Variants in JAK3 observed in about 807,000 individuals in gnomAD.
JAK3 encodes tyrosine-protein kinase JAK3.
In JAK3, 88 loss-of-function variants were observed where a neutral mutation model predicts 120.8. That is an observed-to-expected ratio of 0.73 (90% confidence interval 0.61 to 0.87). JAK3 has a LOEUF of 0.87. Among genes scored for constraint, JAK3 ranks in the 40% least tolerant of loss-of-function variants. The pLI is 0.00. For missense variants in JAK3, 1,254 were observed against 1,501.4 expected (o/e 0.84, Z 2.72); for synonymous variants, 592 against 628.6 (o/e 0.94, Z 0.87).
At chr19:17,836,751 G>A (rs1302106396) in intron 13 of JAK3, 4 of 443,760 alleles carry the variant, frequency 9.0e-6, no homozygotes, top group Non-Finnish European at 1.3e-5. Flanking sequence ...ACAGTGCTCC[G>A]TGCTGCCCTC....
At position 17,826,699 on chromosome 19, in the gene JAK3, C is replaced by T; in HGVS notation, c.*44G>A. The T allele has an allele frequency of 3.7e-6, 6 of 1,610,272 alleles. No homozygotes were observed. The Admixed American group carries it at 5.0e-5, about 13-fold the overall frequency. On this transcript the variant is annotated 3_prime_UTR_variant, in exon 24 of 24. Coordinates refer to ENST00000458235, the MANE Select transcript of JAK3 (RefSeq NM_000215.4). ...GGGCAGCTCCGGGCCTAAGGTCACA[C>T]AGCCAGTCAACAGAGACCTAATCCA...
Position 17,826,760 on chromosome 19 carries a change from A to C in JAK3, c.3358T>G (p.Ser1120Ala). ...GGCAGGAGCTATGAAAAGGACAGGGAGTGGTGTTTGCCCTCTGGGTGAGCA... is the reference window on the plus strand; with the variant it reads ...GGCAGGAGCTATGAAAAGGACAGGGCGTGGTGTTTGCCCTCTGGGTGAGCA... ...FTAHPEGKHH[S>A]LSFS The change falls in exon 24 of 24, where the codon TCC becomes GCC. Residue 1120 changes from serine to alanine, a missense_variant. Ser to Ala is a moderately conservative substitution (Grantham distance 99). Transcript: ENST00000458235. 6.2e-7 allele frequency: 1 copy of C among 1,613,986 alleles called. No homozygotes were observed. Among genetic ancestry groups the C allele is most frequent in the Non-Finnish European group, 8.5e-7 (1 of 1,179,960 alleles).
intron 1 of JAK3, among the ~76,000 whole-genome samples, chr19:17,845,325 G>A (rs563111662): frequency 6.6e-6 from 1 of 152,154 alleles, no homozygotes; most frequent in South Asian, 2.1e-4. Context: ...GCACCACCAC[G>A]CCCAGCTAAT....
rs149982493 is a variant in JAK3, at chr19:17,834,630, G to A, written c.2291C>T (p.Pro764Leu). The A allele has an allele frequency of 1.4e-5, 23 of 1,597,334 alleles. No homozygotes were observed. The African/African-American group carries it at 2.3e-4, about 16-fold the overall frequency. Residue 764 changes from proline (P) to leucine (L), a missense_variant, in exon 17 of 24, where the codon CCG (proline) becomes CTG (leucine). This residue lies in a region of JAK3 where 630 missense variants were observed against 819.8 expected (regional missense o/e 0.77). Transcript: ENST00000458235. ...LLIQQCMAYE[P>L]VQRPSFRAVI... The stretch of plus-strand genomic sequence containing the variant: ...GGCTCGGAAGGAGGGCCTCTGGACC[G>A]GCTCATAGGCCATGCACTGTTGAAT...
intron 17 of JAK3, among the ~76,000 whole-genome samples, chr19:17,833,436 G>GGTTGT (rs1308127132): frequency 2.6e-5 from 4 of 151,846 alleles, no homozygotes; most frequent in Non-Finnish European, 2.9e-5. Flanking sequence ...CACTGGGCAT[G>GGTTGT]GTTGTGTGTG....
At chr19:17,847,648 C>G (rs1443875830) in intron 1 of JAK3, among the ~76,000 whole-genome samples, 2 of 152,264 alleles carry the variant, frequency 1.3e-5, no homozygotes, top group East Asian at 3.9e-4. Context: ...CCCCCAATCC[C>G]TCCTTCCCAA....
At position 17,825,256 on chromosome 19, in the gene JAK3, C is replaced by T. The variant is rs942131845; in HGVS notation, c.*1487G>A. On this transcript the variant is annotated 3_prime_UTR_variant, in exon 24 of 24. Transcript: ENST00000458235. The stretch of plus-strand genomic sequence containing the variant: ...AGGCTCCAATACTTGGGCTCTTAAC[C>T]TCCTTACTCTGAGCCTTCTCACGCT... 1 of 229,436 alleles carries T rather than the reference C, an allele frequency of 4.4e-6. No homozygotes were observed. The highest frequency in any genetic ancestry group is 8.6e-6 in the Non-Finnish European group (1 of 115,788). 14.2% of individuals were successfully genotyped at this position (229,436 alleles called of 1,614,324 possible).
rs971520912 is a variant in JAK3 at position 17,842,740 on chromosome 19, C to A, written c.567-130G>T. ...AGTTGGGGCACCAGGCACACACAGA[C>A]TCTCATTCAGGGTCAGGTATGAGGA... On this transcript the variant is annotated intron_variant, in intron 5 of 23. Transcript: ENST00000458235. The surrounding 1 kb of genome is among the most constrained non-coding windows in gnomAD (Gnocchi z 6.4). 9.7e-6 allele frequency: 10 copies of A among 1,028,938 alleles called. No individual in the cohort carries two copies. The Admixed American group carries it at 2.4e-4, about 25-fold the overall frequency. The allele number at this position is 1,028,938 out of a possible 1,614,324, so 63.7% of individuals were successfully genotyped here. A position where few individuals can be genotyped will look rare whatever the true frequency, so the allele number is the denominator to read the frequency against.
At position 17,843,331 on chromosome 19, in the gene JAK3, G is replaced by T. The variant is rs1209523767; in HGVS notation, c.420+49C>A. 11 of 1,519,848 alleles carry T rather than the reference G, an allele frequency of 7.2e-6. No homozygotes were observed. The highest frequency in any genetic ancestry group is 8.9e-6 in the Non-Finnish European group (10 of 1,118,050). The allele number at this position is 1,519,848 out of a possible 1,614,324, so 94.1% of individuals were successfully genotyped here. ...CTGATTGCATGCCAGTCCTCATGTT[G>T]CCCCTTGGACCCCCAACCCCCTGGG... On this transcript the variant is annotated intron_variant, in intron 4 of 23. Coordinates refer to ENST00000458235, the MANE Select transcript of JAK3 (RefSeq NM_000215.4). This position sits in a 1 kb window ranked among gnomAD's most constrained non-coding sequence, Gnocchi z 5.4.
intron 1 of JAK3, among the ~76,000 whole-genome samples, chr19:17,847,338 AAAC>A (rs1755384981): frequency 6.6e-6 from 1 of 152,184 alleles, no homozygotes; most frequent in South Asian, 2.1e-4. Flanking sequence ...CCCATCTCCA[AAAC>A]AACAAAAAAA....
Position 17,841,054 on chromosome 19 carries a change from C to A in JAK3, c.1142+335G>T, listed in dbSNP as rs1399771006. ...CTTGTCTCCAACTCCTGAGTTCAAA[C>A]AATCCTCCTGCCTTGGCCCCTCAAA... On this transcript the variant is annotated intron_variant, in intron 8 of 23. Transcript: ENST00000458235. This position sits in a 1 kb window ranked among gnomAD's most constrained non-coding sequence, Gnocchi z 4.1. 6.6e-6 allele frequency among the ~76,000 whole-genome samples: 1 copy of A among 152,002 alleles called. No homozygotes were observed. The highest frequency in any genetic ancestry group is 1.5e-5 in the Non-Finnish European group (1 of 68,012).
Position 17,832,568 on chromosome 19 carries a change from T to G in JAK3, c.2631A>C (p.Ala877=). 5 of 1,614,212 alleles carry G rather than the reference T, an allele frequency of 3.1e-6. No homozygotes were observed. Among genetic ancestry groups the G allele is most frequent in the Non-Finnish European group, 4.2e-6 (5 of 1,180,046 alleles). ...ACTTGACAATGAAATCACTGTGCAG[T>G]GCTTTGAGGATCTGAATCTCCCGCT... ...DFQREIQILK[A]LHSDFIVKYR... Residue 877 remains alanine, a synonymous_variant, in exon 19 of 24, where the codon GCA becomes GCC. Coordinates refer to ENST00000458235, the MANE Select transcript of JAK3 (RefSeq NM_000215.4). The surrounding 1 kb of genome is among the most constrained non-coding windows in gnomAD (Gnocchi z 4.7).
Position 17,839,141 on chromosome 19 carries a change from G to A in JAK3, c.1441+336C>T, listed in dbSNP as rs559439340. ...GTGGCACTGTGGACAACCAGGGATC[G>A]GTTCTACCAGGGATTCTGGGAGACT... On this transcript the variant is annotated intron_variant, in intron 10 of 23. Coordinates refer to ENST00000458235, the MANE Select transcript of JAK3 (RefSeq NM_000215.4). 434 of 436,174 alleles carry A rather than the reference G, an allele frequency of 1.0e-3. 2 individuals carry two copies. The highest frequency in any genetic ancestry group is 1.4e-3 in the Non-Finnish European group (322 of 225,362). 27.0% of individuals were successfully genotyped at this position (436,174 alleles called of 1,614,324 possible).
rs201645217 is a variant in JAK3 at position 17,831,647 on chromosome 19, C to T, written c.2805+27G>A. 2.6e-5 allele frequency: 42 copies of T among 1,597,308 alleles called. No homozygotes were observed. The South Asian group carries it at 4.4e-4, about 17-fold the overall frequency. On this transcript the variant is annotated intron_variant, in intron 20 of 23. Coordinates refer to ENST00000458235, the MANE Select transcript of JAK3 (RefSeq NM_000215.4). The surrounding 1 kb of genome is among the most constrained non-coding windows in gnomAD (Gnocchi z 5.1). ...GCCCAGGCCGTGCCAGCTGAATCCCCACAAGTCCCGGGGCGCCCCCTCGCA... is the reference window on the plus strand; with the variant it reads ...GCCCAGGCCGTGCCAGCTGAATCCCTACAAGTCCCGGGGCGCCCCCTCGCA...
rs921305606 is a variant in JAK3, at chr19:17,840,136, T to C, written c.1254+94A>G. Reference sequence around the variant, plus strand: ...GGGGGTGTCTTTTCCCTCCTATTCTTCAGGAACCAAATGCTGACTGATCTT... The same window carrying C: ...GGGGGTGTCTTTTCCCTCCTATTCTCCAGGAACCAAATGCTGACTGATCTT... On this transcript the variant is annotated intron_variant, in intron 9 of 23. Transcript: ENST00000458235. 5 of 867,386 alleles carry C rather than the reference T, an allele frequency of 5.8e-6. No individual in the cohort carries two copies. In the African/African-American group the frequency reaches 8.3e-5, roughly 14 times the overall value. 53.7% of individuals were successfully genotyped at this position (867,386 alleles called of 1,614,324 possible). A position where few individuals can be genotyped will look rare whatever the true frequency, so the allele number is the denominator to read the frequency against.
rs1336884918 is a variant in JAK3 at position 17,841,390 on chromosome 19, T to A, written c.1141A>T (p.Thr381Ser). 1 of 1,548,410 alleles carries A rather than the reference T, an allele frequency of 6.5e-7. No homozygotes were observed. Among genetic ancestry groups the A allele is most frequent in the East Asian group, 2.4e-5 (1 of 41,168 alleles). Residue 381 changes from threonine to serine, a missense_variant and splice_region_variant, in exon 8 of 24, where the codon ACT becomes TCT. This residue lies in a region of JAK3 where 486 missense variants were observed against 503.0 expected (regional missense o/e 0.97). Coordinates refer to ENST00000458235, the MANE Select transcript of JAK3 (RefSeq NM_000215.4). The surrounding 1 kb of genome is among the most constrained non-coding windows in gnomAD (Gnocchi z 4.1). ...CGGGAATGGGGGACAGGTCCTTACGTGATGGGGCCGTGGCACTGCTCGGCC... is the reference window on the plus strand; with the variant it reads ...CGGGAATGGGGGACAGGTCCTTACGAGATGGGGCCGTGGCACTGCTCGGCC... The part of the protein sequence containing the change: ...EVAEQCHGPI[T>S]LDFAINKLKT...
intron 8 of JAK3, among the ~76,000 whole-genome samples, chr19:17,840,882 A>AT (rs1599876830): frequency 6.6e-6 from 1 of 152,124 alleles, no homozygotes; most frequent in East Asian, 1.9e-4. Flanking sequence ...CTGGAGTGCA[A>AT]TCTCAGCTCA....
At chr19:17,836,938 G>A in intron 13 of JAK3, 191 bp downstream of exon 13, 2 of 690,084 alleles carry the variant, frequency 2.9e-6, no homozygotes, top group South Asian at 3.0e-5. Context: ...CTGGATATGG[G>A]TGAGAACCTG....
intron 1 of JAK3, 173 bp from the exon 2 acceptor site, chr19:17,844,603 TGCCTGGCCAACA>T: frequency 1.6e-6 from 1 of 610,616 alleles, no homozygotes; most frequent in Non-Finnish European, 2.8e-6. Flanking sequence ...GTTTGAGACC[TGCCTGGCCAACA>T]TGGCGAAACC....
Sources: gnomAD v4.1 joint callset for allele counts (sites outside exome capture counted in the v4.1 genomes callset) on GRCh38, gnomAD v4.1.1 for gene constraint, gnomAD v4.1.1 regional missense constraint, Gnocchi (gnomAD v3.1) non-coding constraint, MANE v1.5 for transcripts, NCBI Gene and HGNC (gene_info 2026-07-23, HGNC 2026-07-21) for gene names.